Variants in NOSTRIN observed in about 807,000 individuals in gnomAD.
NOSTRIN encodes the protein nitric oxide synthase trafficking.
Under a neutral mutation model 59.0 loss-of-function variants are expected in NOSTRIN, and 63 were observed. The ratio of observed to expected loss-of-function variants is 1.07; its 90% CI spans 0.87 to 1.32. The LOEUF is 1.32. NOSTRIN is among the 40% of genes most tolerant of loss of function. The probability of loss-of-function intolerance (pLI) is 0.00; values close to 1 mark genes in which losing one functional copy is unlikely to be tolerated. For synonymous variants in NOSTRIN, 200 were observed against 165.4 expected, an observed-to-expected ratio of 1.21 and a Z score of -1.61; for missense variants, 512 against 473.1, an observed-to-expected ratio of 1.08 and a Z score of -0.76.
Position 168,831,497 on chromosome 2 carries a change from C to G in NOSTRIN, c.368C>G (p.Ala123Gly). ...CTTGACAATGAAGTTGAAAAGACAG[C>G]AAATCTTGTCATTAGCAACTGGAAT... Reference protein sequence around the residue: ...KSLDNEVEKTANLVISNWNQQ... With the variant: ...KSLDNEVEKTGNLVISNWNQQ... Residue 123 changes from alanine (A) to glycine (G), a missense_variant, in exon 6 of 16, where the codon GCA (alanine) becomes GGA (glycine). Ala to Gly is a moderately conservative substitution (Grantham distance 60). Transcript: ENST00000317647. 1.2e-6 allele frequency: 1 copy of G among 866,758 alleles called. No individual in the cohort carries two copies. Among genetic ancestry groups the G allele is most frequent in the South Asian group, 1.3e-5 (1 of 76,122 alleles). The allele number at this position is 866,758 out of a possible 1,614,324, so 53.7% of individuals were successfully genotyped here. A position where few individuals can be genotyped will look rare whatever the true frequency, so the allele number is the denominator to read the frequency against.
intron 1 of NOSTRIN, 95 bp downstream of exon 1, chr2:168,802,768 C>T (rs1160536873): frequency 2.5e-6 from 2 of 814,758 alleles, no homozygotes; most frequent in Admixed American, 2.0e-5. Context: ...ATTTGAGACA[C>T]TCAGAAACCA....
upstream of NOSTRIN, among the ~76,000 whole-genome samples, chr2:168,797,676 ATT>A (rs36018952): frequency 1.9e-3 from 289 of 148,694 alleles, no homozygotes; most frequent in African/African-American, 4.3e-3. Flanking sequence ...TTAACCTTAA[ATT>A]TTTTTTTTTT....
intron 10 of NOSTRIN, among the ~76,000 whole-genome samples, chr2:168,854,745 C>G (rs1410080851): frequency 6.6e-6 from 1 of 152,164 alleles, no homozygotes. Flanking sequence ...CGTCTTCTTG[C>G]CTCCTCGAAG....
chr2:168,791,750 T>G (rs1474847223), intron 2 of NOSTRIN, among the ~76,000 whole-genome samples: 1 of 16,774 alleles, frequency 6.0e-5, no homozygotes, highest in African/African-American at 3.6e-4. Context: ...CAGTGACGGT[T>G]TTTTTCATGT....
intron 12 of NOSTRIN, 95 bp downstream of exon 12, chr2:168,856,873 C>T: frequency 8.7e-7 from 1 of 1,151,470 alleles, no homozygotes; most frequent in Non-Finnish European, 1.3e-6. Context: ...GTTTGCCTTT[C>T]CTTTCTCATG....
At chr2:168,863,552 T>C in intron 15 of NOSTRIN, 1 of 985,358 alleles carries the variant, frequency 1.0e-6, no homozygotes, top group Non-Finnish European at 1.2e-6. Flanking sequence ...GGAATTCTCT[T>C]TATTTGAATC....
At chr2:168,860,939 T>C (rs561093015) in intron 14 of NOSTRIN, 30 bp downstream of exon 14, 60 of 1,408,904 alleles carry the variant, frequency 4.3e-5, no homozygotes, top group South Asian at 3.8e-4. Context: ...CATTTTGGCC[T>C]GGGTCCTACT....
intron 2 of NOSTRIN, among the ~76,000 whole-genome samples, chr2:168,819,378 C>T (rs914993102): frequency 9.9e-5 from 15 of 152,150 alleles, no homozygotes; most frequent in Non-Finnish European, 7.3e-5. Flanking sequence ...GAAGTGTGCA[C>T]GGAAAAGCAT....
intron 2 of NOSTRIN, among the ~76,000 whole-genome samples, chr2:168,822,466 A>G (rs925592818): frequency 6.6e-6 from 1 of 152,256 alleles, no homozygotes; most frequent in Non-Finnish European, 1.5e-5. Context: ...AATTTGTGTG[A>G]AAACACGCAG....
intron 6 of NOSTRIN, among the ~76,000 whole-genome samples, chr2:168,832,454 T>C (rs1163832662): frequency 6.6e-6 from 1 of 152,160 alleles, no homozygotes; most frequent in Non-Finnish European, 1.5e-5. Context: ...GAAATCCTTT[T>C]TCATCTCCAA....
chr2:168,841,403 GC>G (rs111941046), intron 7 of NOSTRIN, among the ~76,000 whole-genome samples: 3,207 of 152,048 alleles, frequency 0.021, 118 homozygotes, highest in African/African-American at 0.074. Flanking sequence ...AGCTACCCTG[GC>G]CCAGGGAGTT....
chr2:168,791,187 C>T (rs1200840193), intron 2 of NOSTRIN, among the ~76,000 whole-genome samples: 1 of 152,132 alleles, frequency 6.6e-6, no homozygotes, highest in East Asian at 1.9e-4. Context: ...GTTCCCCTTC[C>T]TCTGTCCATG....
At chr2:168,832,219 A>C (rs1687406831) in intron 6 of NOSTRIN, among the ~76,000 whole-genome samples, 1 of 152,170 alleles carries the variant, frequency 6.6e-6, no homozygotes, top group Non-Finnish European at 1.5e-5. Context: ...GTGTGCAGGA[A>C]ATAGGGAATA....
At chr2:168,801,831 T>G (rs1397818151), upstream of NOSTRIN, among the ~76,000 whole-genome samples, 2 of 152,166 alleles carry the variant, frequency 1.3e-5, no homozygotes, top group East Asian at 1.9e-4. Context: ...TGTCTATCCT[T>G]TTGAGTGATG....
Position 168,861,729 on chromosome 2 carries a change from TTATAA to T in NOSTRIN, c.1295-226_1295-222del, listed in dbSNP as rs145171469. Among the ~76,000 whole-genome samples, 353 of 152,356 alleles carry T rather than the reference TTATAA, an allele frequency of 2.3e-3. 1 individual carries two copies. The highest frequency in any genetic ancestry group is 7.9e-3 in the African/African-American group (329 of 41,590). On this transcript the variant is annotated intron_variant, in intron 14 of 15. Coordinates refer to ENST00000317647, the MANE Select transcript of NOSTRIN (RefSeq NM_001039724.4). ...TTCTCTAGACTTGCTATTTCATGTA[TTATAA>T]TATAGTTTTTGGTTATATAACATAT...
intron 2 of NOSTRIN, 71 bp downstream of exon 2, chr2:168,811,723 G>T: frequency 1.5e-6 from 1 of 651,186 alleles, no homozygotes; most frequent in South Asian, 2.0e-5. Context: ...CTGGAGGAGT[G>T]ATTACAAGCT....
intron 14 of NOSTRIN, among the ~76,000 whole-genome samples, chr2:168,861,477 A>G (rs1485804629): frequency 6.6e-6 from 1 of 151,908 alleles, no homozygotes; most frequent in Non-Finnish European, 1.5e-5. Flanking sequence ...TAAATTAGAA[A>G]TTGGTTTAAA....
chr2:168,802,719 G>A, intron 1 of NOSTRIN, 46 bp downstream of exon 1: 1 of 860,770 alleles, frequency 1.2e-6, no homozygotes, highest in Non-Finnish European at 2.0e-6. Flanking sequence ...GAGGAGGGTG[G>A]AGGGTGGATT....
rs376450347 is a variant in NOSTRIN, at chr2:168,830,293, T to C, written c.343-1179T>C. On this transcript the variant is annotated intron_variant, in intron 5 of 15. Coordinates refer to ENST00000317647, the MANE Select transcript of NOSTRIN (RefSeq NM_001039724.4). Reference sequence around the variant, plus strand: ...ATGTCATGAGCACCCCCGAAATGCTTGTCCTGTTTTTCTTCTTTTCTGCAT... The same window carrying C: ...ATGTCATGAGCACCCCCGAAATGCTCGTCCTGTTTTTCTTCTTTTCTGCAT... 2.0e-4 allele frequency among the ~76,000 whole-genome samples: 30 copies of C among 152,202 alleles called. No homozygotes were observed. In the South Asian group the frequency reaches 6.2e-3, roughly 32 times the overall value.
Sources: gnomAD v4.1 joint callset for allele counts (sites outside exome capture counted in the v4.1 genomes callset) on GRCh38, gnomAD v4.1.1 for gene constraint, MANE v1.5 for transcripts, NCBI Gene and HGNC (gene_info 2026-07-23, HGNC 2026-07-21) for gene names.